ARHGEF4: variants seen among roughly 807,000 people sequenced by gnomAD.
The protein encoded by ARHGEF4 is APC-stimulated guanine nucleotide exchange factor 1.
In ARHGEF4, 119 loss-of-function variants were observed where a neutral mutation model predicts 162.0. The ratio of observed to expected loss-of-function variants is 0.73; its 90% CI spans 0.63 to 0.86. ARHGEF4 has a LOEUF of 0.86. ARHGEF4 is among the 40% of genes least tolerant of loss of function. The pLI, the probability that ARHGEF4 is intolerant of heterozygous loss-of-function variation, is 0.00. For synonymous variants in ARHGEF4, 1,014 were observed against 979.9 expected (o/e 1.03, Z -0.65); for missense variants, 2,488 against 2,456.0 (o/e 1.01, Z -0.28).
chr2:130,871,881 T>A (rs1678510489), intron 1 of ARHGEF4, among the ~76,000 whole-genome samples: 1 of 152,092 alleles, frequency 6.6e-6, no homozygotes, highest in African/African-American at 2.4e-5. Flanking sequence ...GGTTTTGAGG[T>A]TAATTCTTCC....
chr2:130,903,658 C>T (rs115303624), intron 1 of ARHGEF4, among the ~76,000 whole-genome samples: 2,054 of 152,316 alleles, frequency 0.013, 46 homozygotes, highest in African/African-American at 0.047. Context: ...AAGTAGTGAA[C>T]ATGGTACCCA....
intron 4 of ARHGEF4, among the ~76,000 whole-genome samples, chr2:130,949,493 A>G (rs1477196096): frequency 6.6e-6 from 1 of 150,916 alleles, no homozygotes; most frequent in Non-Finnish European, 1.5e-5. Flanking sequence ...AGCTGGGACT[A>G]CAGGGGCCCG....
chr2:131,039,605 C>T (rs1690602858), intron 6 of ARHGEF4: 1 of 1,055,766 alleles, frequency 9.5e-7, no homozygotes, highest in Non-Finnish European at 1.1e-6. Context: ...CCCCAGATCC[C>T]CTGGGAAACT....
At chr2:131,006,119 C>G (rs1688099109) in intron 4 of ARHGEF4, among the ~76,000 whole-genome samples, 1 of 152,166 alleles carries the variant, frequency 6.6e-6, no homozygotes, top group Admixed American at 6.5e-5. Context: ...ATGGTAATAG[C>G]CCCTGGGCAT....
chr2:130,939,810 A>T (rs1683181961), intron 3 of ARHGEF4, among the ~76,000 whole-genome samples: 1 of 152,172 alleles, frequency 6.6e-6, no homozygotes, highest in Non-Finnish European at 1.5e-5. Context: ...CTGCATTTTT[A>T]AAATGTATAC....
chr2:130,874,341 G>A (rs978717852), intron 1 of ARHGEF4, among the ~76,000 whole-genome samples: 1 of 152,230 alleles, frequency 6.6e-6, no homozygotes, highest in Non-Finnish European at 1.5e-5. Context: ...CATTGGTGGG[G>A]AGCTGAGGAG....
intron 4 of ARHGEF4, among the ~76,000 whole-genome samples, chr2:130,998,472 A>C (rs557246300): frequency 1.1e-4 from 17 of 151,948 alleles, no homozygotes; most frequent in Admixed American, 1.1e-3. Flanking sequence ...CACTCCACCT[A>C]TTCTCCCCGC....
rs139922534 is a variant in ARHGEF4 at position 130,925,440 on chromosome 2, C to T, written c.3553-5512C>T. On this transcript the variant is annotated intron_variant, in intron 2 of 13. Coordinates refer to ENST00000409359, the MANE Select transcript of ARHGEF4 (RefSeq NM_001367493.1). ...ATCCAAAGCAAAAAAAGAAAAACTTCGACCTAAATCTCACAGTTTATTTAA... is the reference window on the plus strand; with the variant it reads ...ATCCAAAGCAAAAAAAGAAAAACTTTGACCTAAATCTCACAGTTTATTTAA... Among the ~76,000 whole-genome samples the T allele has an allele frequency of 6.0e-3, 917 of 152,284 alleles. 14 individuals are homozygous for T. The highest frequency in any genetic ancestry group is 0.02 in the African/African-American group (852 of 41,568).
At chr2:130,923,903 C>T (rs1261006014) in intron 2 of ARHGEF4, among the ~76,000 whole-genome samples, 1 of 140,940 alleles carries the variant, frequency 7.1e-6, no homozygotes, top group African/African-American at 2.6e-5. Context: ...TTTTTTGAGA[C>T]GGAGTCTTGC....
At chr2:131,036,391 C>T (rs1269664024) in intron 5 of ARHGEF4, among the ~76,000 whole-genome samples, 2 of 152,232 alleles carry the variant, frequency 1.3e-5, no homozygotes, top group African/African-American at 4.8e-5. Flanking sequence ...AGCTTGCTCA[C>T]GGCACGTGTC....
At chr2:130,930,800 G>A (rs1682582303) in intron 2 of ARHGEF4, among the ~76,000 whole-genome samples, 152 bp from the exon 3 acceptor site, 1 of 152,114 alleles carries the variant, frequency 6.6e-6, no homozygotes, top group Non-Finnish European at 1.5e-5. Flanking sequence ...CAAAATGACT[G>A]TGAACAAAGT....
intron 4 of ARHGEF4, among the ~76,000 whole-genome samples, chr2:131,019,577 C>T (rs1204779646): frequency 1.3e-5 from 2 of 151,926 alleles, no homozygotes; most frequent in African/African-American, 2.4e-5. Context: ...TTATTCTACA[C>T]ATCTTTGGCC....
intron 3 of ARHGEF4, among the ~76,000 whole-genome samples, chr2:130,943,383 T>C (rs905629566): frequency 2.6e-5 from 4 of 152,182 alleles, no homozygotes; most frequent in African/African-American, 9.6e-5. Context: ...TTGTTAGATG[T>C]TCTTTCCTTA....
intron 1 of ARHGEF4, among the ~76,000 whole-genome samples, chr2:130,867,936 C>CTTTTTTTTTTTTTTT (rs1156618796): frequency 3.3e-5 from 4 of 119,930 alleles, no homozygotes; most frequent in Non-Finnish European, 3.5e-5. Context: ...TTTTTTTTTT[C>CTTTTTTTTTTTTTTT]TTTTTTTTTT....
At chr2:130,838,243 A>G (rs1680342990) in intron 1 of ARHGEF4, among the ~76,000 whole-genome samples, 3 of 152,198 alleles carry the variant, frequency 2.0e-5, no homozygotes, top group Admixed American at 2.0e-4. Context: ...CTTTGTTTTG[A>G]AAAATGTGGG....
intron 13 of ARHGEF4, 175 bp from the exon 14 acceptor site, chr2:131,045,863 G>C: frequency 6.8e-7 from 1 of 1,477,426 alleles, no homozygotes; most frequent in Non-Finnish European, 8.9e-7. Context: ...GAGACCCCAG[G>C]CAGCCTGAGC....
chr2:130,843,136 T>A (rs1013701930), intron 1 of ARHGEF4, among the ~76,000 whole-genome samples: 1 of 152,048 alleles, frequency 6.6e-6, no homozygotes. Flanking sequence ...TATATTGGGA[T>A]CTCCTCCTCT....
intron 4 of ARHGEF4, among the ~76,000 whole-genome samples, chr2:131,025,439 C>G (rs1461804804): frequency 6.6e-6 from 1 of 152,188 alleles, no homozygotes; most frequent in Admixed American, 6.5e-5. Flanking sequence ...GTTCTGGGGA[C>G]ACATGTGGAG....
rs986646404 is a variant in ARHGEF4 at position 130,840,112 on chromosome 2, C to T, written c.39+3120C>T. ...CTGCAGCAGGAAGCACACACATAGG[C>T]ACACACACACAGGCATACATAGGTA... On this transcript the variant is annotated intron_variant, in intron 1 of 13. Transcript: ENST00000409359. Among the ~76,000 whole-genome samples, 7 of 152,050 alleles carry T rather than the reference C, an allele frequency of 4.6e-5. No homozygotes were observed. The East Asian group carries it at 9.7e-4, about 21-fold the overall frequency.
Sources: gnomAD v4.1 joint callset for allele counts (sites outside exome capture counted in the v4.1 genomes callset) on GRCh38, gnomAD v4.1.1 for gene constraint, MANE v1.5 for transcripts, NCBI Gene and HGNC (gene_info 2026-07-23, HGNC 2026-07-21) for gene names.